TMC3: variants seen among roughly 807,000 people sequenced by gnomAD.
TMC3 encodes the protein transmembrane channel-like protein 3.
Under a neutral mutation model 110.6 loss-of-function variants are expected in TMC3, and 98 were observed. That is an observed-to-expected ratio of 0.89 (90% CI 0.75 to 1.05). The LOEUF (loss-of-function observed/expected upper bound fraction) is 1.05, where lower values mean the gene tolerates loss of function less well. Ranked by LOEUF, TMC3 falls within the 50% of genes least tolerant of loss-of-function variation. The pLI is 0.00. For missense variants in TMC3, 1,319 were observed against 1,373.2 expected (o/e 0.96, Z 0.62); for synonymous variants, 489 against 513.1 (o/e 0.95, Z 0.63).
intron 3 of TMC3, among the ~76,000 whole-genome samples, 178 bp from the exon 4 acceptor site, chr15:81,362,479 C>G (rs2141419639): frequency 6.6e-6 from 1 of 152,222 alleles, no homozygotes; most frequent in Non-Finnish European, 1.5e-5. Flanking sequence ...GTCTGTGCTC[C>G]TAACCAGGTG....
chr15:81,372,264 G>C (rs1894449795), intron 2 of TMC3, among the ~76,000 whole-genome samples: 1 of 150,708 alleles, frequency 6.6e-6, no homozygotes, highest in South Asian at 2.1e-4. Context: ...GGAGGTAGAA[G>C]ATAAAAGACT....
rs1335098752 is a variant in TMC3, at chr15:81,334,796, G to A, written c.2383C>T (p.Pro795Ser). Residue 795 changes from proline (P) to serine (S), a missense_variant, in exon 21 of 22, where the codon CCG (proline) becomes TCG (serine). By Grantham distance (74) the Pro-to-Ser change is moderately conservative. Transcript: ENST00000359440. ...CTAGGAGCCCTGTCCCCTGGCCTCG[G>A]GCTCTGGGGCATGGACTGTGCGACT... ...ETVAQSMPQS[P>S]RPGDRAPSSP... is the part of the protein sequence containing the mutation. The A allele has an allele frequency of 6.2e-7, 1 of 1,613,996 alleles. No homozygotes were observed. The highest frequency in any genetic ancestry group is 8.5e-7 in the Non-Finnish European group (1 of 1,179,896).
At chr15:81,365,399 G>A (rs1596096023) in intron 3 of TMC3, among the ~76,000 whole-genome samples, 2 of 152,204 alleles carry the variant, frequency 1.3e-5, no homozygotes, top group Admixed American at 6.5e-5. Context: ...AGGGCCGGGC[G>A]CGATGGCTTA....
At chr15:81,346,276 ATCC>A (rs1893826205) in intron 12 of TMC3, 86 bp downstream of exon 12, 2 of 1,171,962 alleles carry the variant, frequency 1.7e-6, no homozygotes, top group African/African-American at 1.5e-5. Context: ...ATAAGCAGTG[ATCC>A]TGTCCACGAT....
intron 20 of TMC3, among the ~76,000 whole-genome samples, 190 bp from the exon 21 acceptor site, chr15:81,335,165 G>A (rs1376927927): frequency 1.3e-5 from 2 of 152,210 alleles, no homozygotes; most frequent in African/African-American, 4.8e-5. Flanking sequence ...CCTGCAAGTT[G>A]GAGCTGGGAG....
intron 21 of TMC3, 33 bp downstream of exon 21, chr15:81,334,687 C>T: frequency 1.3e-6 from 2 of 1,585,778 alleles, no homozygotes; most frequent in Non-Finnish European, 1.7e-6. Flanking sequence ...TCTCACATTC[C>T]AGGTTTTAAT....
At position 81,332,743 on chromosome 15, in the gene TMC3, G is replaced by A; in HGVS notation, c.2979C>T (p.Tyr993=). The A allele has an allele frequency of 1.9e-6, 3 of 1,613,514 alleles. No homozygotes were observed. The highest frequency in any genetic ancestry group is 1.1e-5 in the South Asian group (1 of 91,026). The change falls in exon 22 of 22, where the codon TAC becomes TAT. Residue 993 remains tyrosine, a synonymous_variant. Transcript: ENST00000359440. The stretch of plus-strand genomic sequence containing the variant: ...CCTCAAAATCTTCATTCCACGACTT[G>A]TAGTGCACCCTCCCCTGGTGCTCGG... ...RDPEHQGRVH[Y]KSWNEDFEGH...
In TMC3 at chr15:81,334,804, G is replaced by A. The variant is rs1893554461; in HGVS notation, c.2375C>T (p.Pro792Leu). 2 of 1,614,028 alleles carry A rather than the reference G, an allele frequency of 1.2e-6. No homozygotes were observed. Among genetic ancestry groups the A allele is most frequent in the Non-Finnish European group, 1.7e-6 (2 of 1,179,888 alleles). ...CCTGTCCCCTGGCCTCGGGCTCTGG[G>A]GCATGGACTGTGCGACTGTCTCTAT... ...GRIETVAQSMPQSPRPGDRAP... is the reference protein window; with the variant it reads ...GRIETVAQSMLQSPRPGDRAP... The change falls in exon 21 of 22, where the codon CCC becomes CTC. Residue 792 changes from proline to leucine, a missense_variant. Pro to Leu is a moderately conservative substitution (Grantham distance 98). Coordinates refer to ENST00000359440, the MANE Select transcript of TMC3 (RefSeq NM_001080532.3).
At position 81,344,159 on chromosome 15, in the gene TMC3, C is replaced by T. The variant is rs995536884; in HGVS notation, c.1519-114G>A. ...CTTGTGGGCCCCAGCCAGTGGGCCC[C>T]TCCAATGGCATCTTCATTTCTCATC... On this transcript the variant is annotated intron_variant, in intron 13 of 21. Coordinates refer to ENST00000359440, the MANE Select transcript of TMC3 (RefSeq NM_001080532.3). 1.9e-5 allele frequency: 20 copies of T among 1,080,532 alleles called. No homozygotes were observed. In the Admixed American group the frequency reaches 4.8e-4, roughly 26 times the overall value. 66.9% of individuals were successfully genotyped at this position (1,080,532 alleles called of 1,614,324 possible). A position where few individuals can be genotyped will look rare whatever the true frequency, so the allele number is the denominator to read the frequency against.
At chr15:81,345,071 A>G (rs1893798635) in intron 12 of TMC3, 60 bp from the exon 13 acceptor site, 6 of 1,528,068 alleles carry the variant, frequency 3.9e-6, no homozygotes, top group Middle Eastern at 1.7e-4. Flanking sequence ...GGCGGTCCAC[A>G]TATTTGTAAA....
At chr15:81,335,407 C>G (rs1172690285) in intron 20 of TMC3, among the ~76,000 whole-genome samples, 1 of 152,224 alleles carries the variant, frequency 6.6e-6, no homozygotes, top group East Asian at 1.9e-4. Context: ...TATCCTGAAA[C>G]AGTCTATGTG....
At chr15:81,336,572 CA>C (rs750074197) in intron 20 of TMC3, 36 bp downstream of exon 20, 18 of 1,609,446 alleles carry the variant, frequency 1.1e-5, no homozygotes, top group African/African-American at 2.7e-5. Context: ...TGCCTCAAAA[CA>C]AAAAAACAAC....
intron 9 of TMC3, 86 bp from the exon 10 acceptor site, chr15:81,351,927 A>G (rs1893960980): frequency 1.4e-6 from 2 of 1,470,450 alleles, no homozygotes; most frequent in Non-Finnish European, 1.8e-6. Flanking sequence ...TGGGGACTGG[A>G]ACACATCCAT....
chr15:81,362,868 C>T lies in TMC3; in HGVS notation c.313-567G>A, dbSNP rs576535350. Among the ~76,000 whole-genome samples the T allele has an allele frequency of 5.3e-5, 8 of 152,286 alleles. No individual in the cohort carries two copies. The South Asian group carries it at 1.7e-3, about 32-fold the overall frequency. On this transcript the variant is annotated intron_variant, in intron 3 of 21. Transcript: ENST00000359440. Reference sequence around the variant, plus strand: ...TGTTTAAGGACCAAGAGTCTAGAGCCTACCCTGAAAATGAGCCCCACCCTA... The same window carrying T: ...TGTTTAAGGACCAAGAGTCTAGAGCTTACCCTGAAAATGAGCCCCACCCTA...
chr15:81,370,538 T>G (rs1480313388), intron 2 of TMC3, among the ~76,000 whole-genome samples: 1 of 152,160 alleles, frequency 6.6e-6, no homozygotes, highest in Non-Finnish European at 1.5e-5. Context: ...TATTCTTTGG[T>G]TTCTGAAGTG....
chr15:81,344,743 T>G, intron 13 of TMC3, 23 bp downstream of exon 13: 1 of 1,611,504 alleles, frequency 6.2e-7, no homozygotes, highest in Non-Finnish European at 8.5e-7. Flanking sequence ...ATGACAGAGC[T>G]TTGTAAGGGT....
intron 2 of TMC3, 90 bp downstream of exon 2, chr15:81,372,501 G>T: frequency 6.6e-7 from 1 of 1,516,170 alleles, no homozygotes. Context: ...TCTCTCACAT[G>T]AGTCTTTATC....
rs1894493973 is a variant in TMC3, at chr15:81,373,977, G to T, written c.89+12C>A. On this transcript the variant is annotated intron_variant, in intron 1 of 21. Transcript: ENST00000359440. ...GACTCCTCTGCCCAGCTGATGAATG[G>T]GGCCAGCTCACCTGAGCAGCAGAGA... 1 of 1,612,054 alleles carries T rather than the reference G, an allele frequency of 6.2e-7. No homozygotes were observed. The highest frequency in any genetic ancestry group is 1.3e-5 in the African/African-American group (1 of 74,864).
chr15:81,361,947 A>C, intron 4 of TMC3: 1 of 263,064 alleles, frequency 3.8e-6, no homozygotes, highest in Non-Finnish European at 7.4e-6. Context: ...CGGGGTTTGC[A>C]TTATATCTGA....
Sources: allele counts gnomAD v4.1 joint callset (sites outside exome capture counted in the v4.1 genomes callset), GRCh38; gene constraint gnomAD v4.1.1; transcripts MANE v1.5; gene names NCBI Gene and HGNC (gene_info 2026-07-23, HGNC 2026-07-21).